Variants in RPS6KC1 observed in about 807,000 individuals in gnomAD.
RPS6KC1 encodes ribosomal protein S6 kinase C1.
In RPS6KC1, 54 loss-of-function variants were observed where a neutral mutation model predicts 103.8. The observed-to-expected ratio is 0.52, with a 90% CI of 0.42 to 0.65. The LOEUF is 0.65. Ranked by LOEUF, RPS6KC1 falls within the 30% of genes least tolerant of loss-of-function variation. The pLI is 0.00. For missense variants in RPS6KC1, 1,151 were observed against 1,253.8 expected (o/e 0.92, Z 1.24); for synonymous variants, 439 against 438.7 (o/e 1.00, Z -0.01).
chr1:213,757,540 G>C, the RPS6KC1 span, among the ~76,000 whole-genome samples: 1 of 152,226 alleles, frequency 6.6e-6, no homozygotes, highest in East Asian at 1.9e-4. Flanking sequence ...GCGAGTAGAG[G>C]TTGGTTCATG....
the RPS6KC1 span, among the ~76,000 whole-genome samples, chr1:213,402,432 T>C: frequency 2.0e-5 from 3 of 151,984 alleles, no homozygotes; most frequent in Non-Finnish European, 4.4e-5. Flanking sequence ...GCATTAGGCT[T>C]TGTCTAGCAC....
the RPS6KC1 span, among the ~76,000 whole-genome samples, chr1:213,682,680 C>T: frequency 5.9e-5 from 9 of 152,188 alleles, no homozygotes; most frequent in Non-Finnish European, 4.4e-5. Flanking sequence ...TTTGAGTTCA[C>T]TCATAATTCT....
the RPS6KC1 span, among the ~76,000 whole-genome samples, chr1:213,770,384 C>G: frequency 6.6e-6 from 1 of 152,126 alleles, no homozygotes; most frequent in South Asian, 2.1e-4. Flanking sequence ...TTTTATGGGT[C>G]ACGATTTACC....
At chr1:213,108,538 A>G (rs1475158275) in intron 4 of RPS6KC1, among the ~76,000 whole-genome samples, 4 of 152,114 alleles carry the variant, frequency 2.6e-5, no homozygotes, top group African/African-American at 7.2e-5. Context: ...TACTTTTTCA[A>G]AATTGTTATG....
chr1:213,495,128 G>GTA, the RPS6KC1 span, among the ~76,000 whole-genome samples: 1 of 152,090 alleles, frequency 6.6e-6, no homozygotes, highest in African/African-American at 2.4e-5. Context: ...CACCACATAG[G>GTA]TACATTTTGA....
At chr1:213,852,077 G>A in the RPS6KC1 span, among the ~76,000 whole-genome samples, 1 of 151,954 alleles carries the variant, frequency 6.6e-6, no homozygotes, top group Non-Finnish European at 1.5e-5. Flanking sequence ...TAAAACACTT[G>A]TCTGCCCTGA....
intron 12 of RPS6KC1, among the ~76,000 whole-genome samples, chr1:213,246,136 A>T (rs2094450811): frequency 1.3e-5 from 2 of 152,168 alleles, no homozygotes; most frequent in African/African-American, 4.8e-5. Flanking sequence ...ATACGAATTC[A>T]CTGATCAAAC....
intron 4 of RPS6KC1, among the ~76,000 whole-genome samples, chr1:213,109,978 C>T (rs577824638): frequency 1.4e-4 from 22 of 151,988 alleles, no homozygotes; most frequent in African/African-American, 5.3e-4. Flanking sequence ...ATGAATATAC[C>T]ACATTTTGCT....
intron 10 of RPS6KC1, among the ~76,000 whole-genome samples, chr1:213,239,066 G>A (rs2094292304): frequency 6.6e-6 from 1 of 152,124 alleles, no homozygotes; most frequent in African/African-American, 2.4e-5. Context: ...ATGGAGAAAT[G>A]TGAAACACTG....
At chr1:213,655,959 G>A in the RPS6KC1 span, among the ~76,000 whole-genome samples, 1 of 152,148 alleles carries the variant, frequency 6.6e-6, no homozygotes, top group Non-Finnish European at 1.5e-5. Flanking sequence ...TGATTTGTCA[G>A]AATTCAGTCT....
chr1:213,690,298 A>G, the RPS6KC1 span, among the ~76,000 whole-genome samples: 2 of 152,188 alleles, frequency 1.3e-5, no homozygotes, highest in African/African-American at 4.8e-5. Flanking sequence ...TGACCAACTG[A>G]CACTCTACTT....
chr1:213,558,929 A>G, the RPS6KC1 span, among the ~76,000 whole-genome samples: 1 of 152,220 alleles, frequency 6.6e-6, no homozygotes, highest in Non-Finnish European at 1.5e-5. Context: ...GAGCCTCTCT[A>G]AACATATTGT....
chr1:213,788,869 G>T, the RPS6KC1 span, among the ~76,000 whole-genome samples: 1 of 150,002 alleles, frequency 6.7e-6, no homozygotes, highest in African/African-American at 2.5e-5. Context: ...CTCTATATAA[G>T]ACATAGCGAC....
chr1:213,799,114 C>T, the RPS6KC1 span, among the ~76,000 whole-genome samples: 71 of 152,310 alleles, frequency 4.7e-4, 1 homozygote, highest in African/African-American at 1.7e-3. Flanking sequence ...AGAATATTTT[C>T]ATTAATTCTT....
Position 213,224,855 on chromosome 1 carries a change from A to T in RPS6KC1, c.1045-5642A>T, listed in dbSNP as rs74933721. ...CTTTGTGCATGCAACTATAATATTAATGCAGCACCATAGCACTGTTCATTA... is the reference window on the plus strand; with the variant it reads ...CTTTGTGCATGCAACTATAATATTATTGCAGCACCATAGCACTGTTCATTA... On this transcript the variant is annotated intron_variant, in intron 8 of 14. Coordinates refer to ENST00000366960, the MANE Select transcript of RPS6KC1 (RefSeq NM_012424.6). 3.6e-3 allele frequency among the ~76,000 whole-genome samples: 547 copies of T among 152,344 alleles called. 4 individuals carry two copies. The highest frequency in any genetic ancestry group is 0.012 in the African/African-American group (489 of 41,588).
At chr1:213,628,392 T>G in the RPS6KC1 span, among the ~76,000 whole-genome samples, 8 of 152,348 alleles carry the variant, frequency 5.3e-5, no homozygotes, top group African/African-American at 1.9e-4. Context: ...TTATGGATTT[T>G]TTGAAGGGTT....
the RPS6KC1 span, among the ~76,000 whole-genome samples, chr1:213,602,028 C>CTTTCTTTCTTTTTCTT: frequency 8.4e-5 from 1 of 11,874 alleles, no homozygotes; most frequent in Non-Finnish European, 2.0e-4. Context: ...TTCTTTCTTT[C>CTTTCTTTCTTTTTCTT]TCTTTCTCTT....
At chr1:213,300,629 A>C in the RPS6KC1 span, among the ~76,000 whole-genome samples, 3 of 152,132 alleles carry the variant, frequency 2.0e-5, no homozygotes. Context: ...GGCTTCGCTG[A>C]AGGGTGATTG....
At chr1:213,784,183 T>C in the RPS6KC1 span, among the ~76,000 whole-genome samples, 1 of 152,180 alleles carries the variant, frequency 6.6e-6, no homozygotes, top group Admixed American at 6.5e-5. Flanking sequence ...AAACTCTCTC[T>C]AAAGAGAAGG....
Sources: gnomAD v4.1 joint callset for allele counts (sites outside exome capture counted in the v4.1 genomes callset) on GRCh38, gnomAD v4.1.1 for gene constraint, MANE v1.5 for transcripts, NCBI Gene and HGNC (gene_info 2026-07-23, HGNC 2026-07-21) for gene names.